The following RHPN2 variants were observed in gnomAD, a reference collection of about 807,000 sequenced individuals.
RHPN2 encodes rhophilin Rho GTPase binding protein 2, also known as rhophilin-2.
RHPN2 carries 40 observed loss-of-function variants against 79.0 expected under a neutral mutation model. The ratio of observed to expected loss-of-function variants is 0.51; its 90% CI spans 0.39 to 0.66. The LOEUF (loss-of-function observed/expected upper bound fraction) is 0.66. Among genes scored for constraint, RHPN2 ranks in the 30% least tolerant of loss-of-function variants. The probability of loss-of-function intolerance (pLI) is 0.00; values close to 1 mark genes in which losing one functional copy is unlikely to be tolerated. For missense variants in RHPN2, 686 were observed against 883.5 expected (o/e 0.78, Z 2.83); for synonymous variants, 285 against 363.5 (o/e 0.78, Z 2.46).
chr19:33,014,480 AT>A (rs1029864084), intron 4 of RHPN2, among the ~76,000 whole-genome samples: 11 of 151,824 alleles, frequency 7.2e-5, no homozygotes, highest in African/African-American at 2.2e-4. Flanking sequence ...TAATATTGTT[AT>A]TTTTCATAAA....
chr19:33,020,382 G>GT (rs1971913501), intron 4 of RHPN2, among the ~76,000 whole-genome samples: 1 of 149,348 alleles, frequency 6.7e-6, no homozygotes, highest in South Asian at 2.1e-4. Context: ...CTGGAGTGCA[G>GT]TGGCACAATC....
intron 5 of RHPN2, among the ~76,000 whole-genome samples, 164 bp downstream of exon 5, chr19:33,012,480 CCTT>C (rs1971843033): frequency 6.6e-6 from 1 of 151,978 alleles, no homozygotes. Context: ...CGCCTGGCCT[CCTT>C]CTACAGTTTT....
Position 33,003,887 on chromosome 19 carries a change from G to A in RHPN2, c.761-887C>T, listed in dbSNP as rs113366051. On this transcript the variant is annotated intron_variant, in intron 7 of 14. Transcript: ENST00000254260. ...TTGCTTTGGATGATGAAAAAGTTCC[G>A]GAGATAGCTGGGCACAGGGGCTGCT... 4.5e-3 allele frequency among the ~76,000 whole-genome samples: 687 copies of A among 152,210 alleles called. 10 individuals carry two copies. The highest frequency in any genetic ancestry group is 0.013 in the African/African-American group (523 of 41,514).
At chr19:33,061,119 C>A (rs1052052493) in intron 1 of RHPN2, among the ~76,000 whole-genome samples, 4 of 152,184 alleles carry the variant, frequency 2.6e-5, no homozygotes, top group Admixed American at 2.0e-4. Context: ...CACCTCCACA[C>A]CCTGGGGGGG....
rs930374379 is a variant in RHPN2 at position 32,980,900 on chromosome 19, C to T, written c.1801-644G>A. 5.9e-5 allele frequency among the ~76,000 whole-genome samples: 9 copies of T among 151,700 alleles called. No individual in the cohort carries two copies. In the East Asian group the frequency reaches 1.2e-3, roughly 20 times the overall value. On this transcript the variant is annotated intron_variant, in intron 14 of 14. Transcript: ENST00000254260. ...TCGCCCAGGCTGGAGTGTAGTGGTACGATCTCGGCTCACTGTAAGCTCCGC... is the reference window on the plus strand; with the variant it reads ...TCGCCCAGGCTGGAGTGTAGTGGTATGATCTCGGCTCACTGTAAGCTCCGC...
intron 2 of RHPN2, among the ~76,000 whole-genome samples, chr19:33,037,605 G>A (rs1450616458): frequency 3.9e-5 from 6 of 152,104 alleles, no homozygotes; most frequent in Non-Finnish European, 7.3e-5. Context: ...CCCACCGGGA[G>A]GAAGGAACAA....
At chr19:33,023,207 G>A (rs1260975038) in intron 3 of RHPN2, among the ~76,000 whole-genome samples, 1 of 152,046 alleles carries the variant, frequency 6.6e-6, no homozygotes, top group Non-Finnish European at 1.5e-5. Flanking sequence ...GGCTGAAATG[G>A]GTAGATCACC....
chr19:33,024,735 CAA>C (rs1971952760), intron 3 of RHPN2, among the ~76,000 whole-genome samples: 1 of 152,188 alleles, frequency 6.6e-6, no homozygotes. Flanking sequence ...TGAACTGTCT[CAA>C]AGTTATTTCT....
chr19:32,991,607 G>A (rs1047868144), intron 13 of RHPN2, among the ~76,000 whole-genome samples: 1 of 152,108 alleles, frequency 6.6e-6, no homozygotes, highest in African/African-American at 2.4e-5. Context: ...GCACGATCGC[G>A]ACTCACTGCA....
In RHPN2 at chr19:33,002,805, A is replaced by G. The variant is rs201787348; in HGVS notation, c.948+8T>C. 5.1e-4 allele frequency: 824 copies of G among 1,613,516 alleles called. 5 individuals carry two copies. The highest frequency in any genetic ancestry group is 3.3e-4 in the Middle Eastern group (2 of 6,078). On this transcript the variant is annotated splice_region_variant and intron_variant, in intron 8 of 14. Coordinates refer to ENST00000254260, the MANE Select transcript of RHPN2 (RefSeq NM_033103.5). Reference sequence around the variant, plus strand: ...CTCCCCAAAGTCACAGGAACCAGGGAGTCCTACCTTAGCAGCCTCCTGAGC... The same window carrying G: ...CTCCCCAAAGTCACAGGAACCAGGGGGTCCTACCTTAGCAGCCTCCTGAGC...
intron 2 of RHPN2, among the ~76,000 whole-genome samples, chr19:33,041,222 T>C (rs7254716): frequency 0.39 from 58,734 of 151,868 alleles, 15,046 homozygotes; most frequent in African/African-American, 0.7. Context: ...ACAGATCTAC[T>C]TTCCTTTGGG....
In RHPN2 at chr19:32,996,083, C is replaced by T. The variant is rs138153671; in HGVS notation, c.1363G>A (p.Ala455Thr). 8.9e-4 allele frequency: 1,435 copies of T among 1,614,012 alleles called. 2 individuals carry two copies. Among genetic ancestry groups the T allele is most frequent in the Middle Eastern group, 5.6e-3 (34 of 6,058 alleles). Residue 455 changes from alanine (A) to threonine (T), a missense_variant, in exon 11 of 15, where the codon GCC (alanine) becomes ACC (threonine). Physicochemically the swap from Ala to Thr is moderately conservative, Grantham distance 58 (BLOSUM62 0). Coordinates refer to ENST00000254260, the MANE Select transcript of RHPN2 (RefSeq NM_033103.5). Reference sequence around the variant, plus strand: ...AGGTCATCCTCCTCCTGGTGCTGGGCGTACGTGAGCCGGGAGCGTTCCTGT... The same window carrying T: ...AGGTCATCCTCCTCCTGGTGCTGGGTGTACGTGAGCCGGGAGCGTTCCTGT... ...AAQERSRLTY[A>T]QHQEEDDLLN...
chr19:32,982,816 C>G (rs1392641610), intron 14 of RHPN2, among the ~76,000 whole-genome samples: 2 of 152,104 alleles, frequency 1.3e-5, no homozygotes, highest in Non-Finnish European at 2.9e-5. Context: ...GAATTCTAAC[C>G]TGACCCCAAA....
chr19:33,052,678 G>T (rs746267994), intron 1 of RHPN2, among the ~76,000 whole-genome samples: 2 of 152,196 alleles, frequency 1.3e-5, no homozygotes, highest in Non-Finnish European at 2.9e-5. Flanking sequence ...GAGATTCAGG[G>T]CAGGCTGGGT....
chr19:33,052,843 G>A (rs1568327008), intron 1 of RHPN2, among the ~76,000 whole-genome samples: 1 of 152,184 alleles, frequency 6.6e-6, no homozygotes, highest in Non-Finnish European at 1.5e-5. Flanking sequence ...ATTCACACAG[G>A]GGTGGAGGGG....
At chr19:33,029,096 C>T (rs747615012) in intron 2 of RHPN2, among the ~76,000 whole-genome samples, 19 of 151,792 alleles carry the variant, frequency 1.3e-4, no homozygotes, top group Non-Finnish European at 2.4e-4. Context: ...GCCAAGATCG[C>T]GCCACCGCAC....
Position 33,021,657 on chromosome 19 carries a change from C to T in RHPN2, c.315-11G>A, listed in dbSNP as rs752416901. Reference sequence around the variant, plus strand: ...ATCGTAAATGCCTCCCTATGAGGAACACAACAAGGTATGTATGAACACCCC... The same window carrying T: ...ATCGTAAATGCCTCCCTATGAGGAATACAACAAGGTATGTATGAACACCCC... On this transcript the variant is annotated splice_polypyrimidine_tract_variant and intron_variant, in intron 3 of 14. Transcript: ENST00000254260. The T allele has an allele frequency of 2.5e-6, 4 of 1,611,146 alleles. No individual in the cohort carries two copies. Among genetic ancestry groups the T allele is most frequent in the African/African-American group, 2.7e-5 (2 of 74,870 alleles).
chr19:32,992,456 G>T (rs913242295), intron 12 of RHPN2, among the ~76,000 whole-genome samples: 31 of 152,154 alleles, frequency 2.0e-4, no homozygotes, highest in Non-Finnish European at 3.7e-4. Flanking sequence ...CTCCCAAAGT[G>T]CTGGGATTAA....
At chr19:32,986,157 C>G (rs1339521347) in intron 14 of RHPN2, among the ~76,000 whole-genome samples, 1 of 152,218 alleles carries the variant, frequency 6.6e-6, no homozygotes, top group Non-Finnish European at 1.5e-5. Context: ...GGATACACAT[C>G]TAGACTGTCT....
Sources: gnomAD v4.1 joint callset for allele counts (sites outside exome capture counted in the v4.1 genomes callset) on GRCh38, gnomAD v4.1.1 for gene constraint, MANE v1.5 for transcripts, NCBI Gene and HGNC (gene_info 2026-07-23, HGNC 2026-07-21) for gene names.